The following MGAT4C variants were observed in gnomAD, a reference collection of about 807,000 sequenced individuals.
MGAT4C encodes MGAT4 family member C.
MGAT4C carries 19 observed loss-of-function variants against 40.1 expected under a neutral mutation model. The observed-to-expected ratio is 0.47, with a 90% confidence interval of 0.33 to 0.70. The LOEUF (loss-of-function observed/expected upper bound fraction) is 0.70, where lower values mean the gene tolerates loss of function less well. Among genes scored for constraint, MGAT4C ranks in the 30% least tolerant of loss-of-function variants. MGAT4C has a pLI of 0.02. For missense variants in MGAT4C, 491 were observed against 563.2 expected, an observed-to-expected ratio of 0.87 and a Z score of 1.30; for synonymous variants, 181 against 187.1, an observed-to-expected ratio of 0.97 and a Z score of 0.27.
chr12:86,650,657 G>A (rs1963670882), intron 2 of MGAT4C, among the ~76,000 whole-genome samples: 1 of 151,864 alleles, frequency 6.6e-6, no homozygotes, highest in African/African-American at 2.4e-5. Context: ...TATATTATCT[G>A]TGATTCTTGT....
At chr12:86,011,095 C>A (rs948037696) in intron 2 of MGAT4C, among the ~76,000 whole-genome samples, 1 of 152,112 alleles carries the variant, frequency 6.6e-6, no homozygotes, top group African/African-American at 2.4e-5. Flanking sequence ...ACAGAAAACA[C>A]ACCAACACAA....
chr12:86,060,293 G>A (rs1209115781), intron 1 of MGAT4C, among the ~76,000 whole-genome samples: 1 of 151,992 alleles, frequency 6.6e-6, no homozygotes, highest in African/African-American at 2.4e-5. Context: ...TTTTTTGTTT[G>A]TTTATGTAAA....
intron 2 of MGAT4C, among the ~76,000 whole-genome samples, chr12:86,510,787 C>T (rs1958564739): frequency 6.6e-6 from 1 of 152,144 alleles, no homozygotes; most frequent in Non-Finnish European, 1.5e-5. Context: ...ACAAGAAGAG[C>T]TAACTAGCCT....
chr12:86,387,814 AT>A (rs1956083459), intron 3 of MGAT4C, among the ~76,000 whole-genome samples: 1 of 152,172 alleles, frequency 6.6e-6, no homozygotes, highest in Non-Finnish European at 1.5e-5. Flanking sequence ...TTATTGCATT[AT>A]TTATCAAATA....
At chr12:86,733,583 T>C (rs1307976664) in intron 1 of MGAT4C, among the ~76,000 whole-genome samples, 2 of 152,064 alleles carry the variant, frequency 1.3e-5, no homozygotes, top group African/African-American at 4.8e-5. Flanking sequence ...CCTCAACAGA[T>C]GCCAATGTGG....
intron 2 of MGAT4C, among the ~76,000 whole-genome samples, chr12:86,458,355 C>A (rs1417801292): frequency 6.6e-6 from 1 of 152,132 alleles, no homozygotes; most frequent in Admixed American, 6.6e-5. Context: ...CTCAAAAGTG[C>A]AATCAGCCTT....
intron 3 of MGAT4C, among the ~76,000 whole-genome samples, chr12:86,357,159 CCTGCAATATTTGCTGTT>C (rs1955334106): frequency 6.6e-6 from 1 of 152,152 alleles, no homozygotes; most frequent in Non-Finnish European, 1.5e-5. Flanking sequence ...TATTTGCTGT[CCTGCAATATTTGCTGTT>C]CTGCAGCCTC....
chr12:86,730,082 T>A (rs543395539), intron 1 of MGAT4C, among the ~76,000 whole-genome samples: 1 of 152,188 alleles, frequency 6.6e-6, no homozygotes, highest in African/African-American at 2.4e-5. Context: ...AGATTTTTCA[T>A]CTTGACAGCT....
intron 4 of MGAT4C, among the ~76,000 whole-genome samples, chr12:86,319,447 T>C (rs1954324205): frequency 6.6e-6 from 1 of 152,174 alleles, no homozygotes; most frequent in Admixed American, 6.5e-5. Context: ...TTCCTTCATG[T>C]CATTCAGATC....
At chr12:86,319,133 C>T (rs1436116499) in intron 4 of MGAT4C, among the ~76,000 whole-genome samples, 3 of 152,154 alleles carry the variant, frequency 2.0e-5, no homozygotes, top group Non-Finnish European at 1.5e-5. Flanking sequence ...CTCCTTTCTA[C>T]TCCTACTGAA....
At chr12:86,247,400 G>A (rs2136064170) in intron 1 of MGAT4C, among the ~76,000 whole-genome samples, 1 of 152,176 alleles carries the variant, frequency 6.6e-6, no homozygotes, top group East Asian at 1.9e-4. Context: ...CCTTACTCCA[G>A]ACACTGGAGG....
At chr12:86,684,979 G>A (rs960777350) in intron 2 of MGAT4C, among the ~76,000 whole-genome samples, 1 of 152,008 alleles carries the variant, frequency 6.6e-6, no homozygotes, top group Non-Finnish European at 1.5e-5. Context: ...CTCCTATTCT[G>A]TATGTTGCCT....
chr12:86,707,149 T>C (rs917893187), intron 2 of MGAT4C, among the ~76,000 whole-genome samples: 6 of 152,152 alleles, frequency 3.9e-5, no homozygotes, highest in African/African-American at 1.2e-4. Context: ...CTGACTAATA[T>C]GGTAAATTGG....
chr12:86,589,603 A>C (rs1961233117), intron 2 of MGAT4C, among the ~76,000 whole-genome samples: 2 of 152,068 alleles, frequency 1.3e-5, no homozygotes, highest in South Asian at 2.1e-4. Flanking sequence ...ACAACCAAAA[A>C]AGAGAATTTT....
intron 2 of MGAT4C, among the ~76,000 whole-genome samples, chr12:86,647,372 G>T (rs775249809): frequency 2.6e-5 from 4 of 151,872 alleles, no homozygotes; most frequent in African/African-American, 7.2e-5. Context: ...ACTTGCTCAA[G>T]AAGTTAGAAA....
chr12:86,683,718 A>T (rs1243952813), intron 2 of MGAT4C, among the ~76,000 whole-genome samples: 4 of 152,136 alleles, frequency 2.6e-5, no homozygotes, highest in African/African-American at 9.7e-5. Context: ...ATCCCTTGAG[A>T]ATTTCTCCCC....
chr12:86,702,522 A>C (rs1950382023), intron 2 of MGAT4C, among the ~76,000 whole-genome samples: 1 of 152,182 alleles, frequency 6.6e-6, no homozygotes, highest in Admixed American at 6.6e-5. Context: ...TTGCTCATTT[A>C]CCATTCTGGA....
At chr12:86,069,865 T>A (rs1894909953) in intron 1 of MGAT4C, among the ~76,000 whole-genome samples, 1 of 152,088 alleles carries the variant, frequency 6.6e-6, no homozygotes, top group Non-Finnish European at 1.5e-5. Context: ...ATAGAGCAAC[T>A]AGAATGACTT....
chr12:86,621,062 TG>T (rs1962620067), intron 2 of MGAT4C, among the ~76,000 whole-genome samples: 1 of 152,046 alleles, frequency 6.6e-6, no homozygotes, highest in African/African-American at 2.4e-5. Flanking sequence ...AATATGTCCA[TG>T]TAACAAAACT....
Sources: allele counts gnomAD v4.1 joint callset (sites outside exome capture counted in the v4.1 genomes callset), GRCh38; gene constraint gnomAD v4.1.1; transcripts MANE v1.5; gene names NCBI Gene and HGNC (gene_info 2026-07-23, HGNC 2026-07-21).